Variants in NRXN3 observed in about 807,000 individuals in gnomAD.
The protein encoded by NRXN3 is neurexin 3, also known as neurexin III.
Under a neutral mutation model 137.6 loss-of-function variants are expected in NRXN3, and 32 were observed. The ratio of observed to expected loss-of-function variants is 0.23; its 90% confidence interval spans 0.18 to 0.31. NRXN3 has a LOEUF of 0.31. NRXN3 is among the 10% of genes least tolerant of loss of function. The pLI is 1.00. For synonymous variants in NRXN3, 798 were observed against 784.5 expected, an observed-to-expected ratio of 1.02 and a Z score of -0.29; for missense variants, 1,574 against 2,062.5, an observed-to-expected ratio of 0.76 and a Z score of 4.59.
At chr14:79,253,334 G>T (rs1321722488) in intron 15 of NRXN3, among the ~76,000 whole-genome samples, 2 of 152,162 alleles carry the variant, frequency 1.3e-5, no homozygotes, top group African/African-American at 4.8e-5. Flanking sequence ...ATGGTTGCCA[G>T]TTCTGTGGGG....
intron 15 of NRXN3, among the ~76,000 whole-genome samples, chr14:79,451,747 C>T (rs539783613): frequency 6.6e-6 from 1 of 152,332 alleles, no homozygotes; most frequent in African/African-American, 2.4e-5. Context: ...CATTCTGCTG[C>T]TCCAGCCATG....
chr14:78,837,832 T>C (rs1301791082), intron 10 of NRXN3, among the ~76,000 whole-genome samples: 1 of 152,196 alleles, frequency 6.6e-6, no homozygotes, highest in Non-Finnish European at 1.5e-5. Flanking sequence ...GAAAACATAT[T>C]GGTGTAGATG....
At chr14:78,334,215 C>T (rs75649017) in intron 4 of NRXN3, among the ~76,000 whole-genome samples, 300 of 152,130 alleles carry the variant, frequency 2.0e-3, no homozygotes, top group African/African-American at 6.7e-3. Flanking sequence ...ATTGAGGAAG[C>T]GGTTGGGTTT....
chr14:78,628,398 A>G (rs771204412), intron 4 of NRXN3, among the ~76,000 whole-genome samples: 1 of 152,150 alleles, frequency 6.6e-6, no homozygotes, highest in Non-Finnish European at 1.5e-5. Context: ...TATACTTCAC[A>G]ATAACCTGAT....
intron 4 of NRXN3, among the ~76,000 whole-genome samples, chr14:78,330,727 C>A (rs1232829292): frequency 1.3e-5 from 2 of 152,110 alleles, no homozygotes; most frequent in Non-Finnish European, 2.9e-5. Flanking sequence ...GATTAGCCAA[C>A]CCCTTAATGG....
chr14:79,268,799 A>G (rs2078841860), intron 15 of NRXN3, among the ~76,000 whole-genome samples: 1 of 152,166 alleles, frequency 6.6e-6, no homozygotes, highest in South Asian at 2.1e-4. Flanking sequence ...CAATTGTAAA[A>G]CAGAGATACT....
chr14:78,482,120 G>A (rs1403456892), intron 4 of NRXN3, among the ~76,000 whole-genome samples: 1 of 152,082 alleles, frequency 6.6e-6, no homozygotes, highest in Non-Finnish European at 1.5e-5. Flanking sequence ...TCCCACAAGT[G>A]CAAAACTTTG....
chr14:78,264,773 T>C (rs147267916), intron 2 of NRXN3, among the ~76,000 whole-genome samples: 1 of 152,312 alleles, frequency 6.6e-6, no homozygotes, highest in East Asian at 1.9e-4. Context: ...AGGGGATTTG[T>C]TTGATTAATT....
chr14:79,060,163 G>A (rs145881235), intron 15 of NRXN3, among the ~76,000 whole-genome samples: 1 of 152,328 alleles, frequency 6.6e-6, no homozygotes, highest in Admixed American at 6.5e-5. Flanking sequence ...TACTTCTGAG[G>A]TAGGGCAAAG....
intron 15 of NRXN3, among the ~76,000 whole-genome samples, chr14:79,047,244 C>T (rs1490128578): frequency 6.6e-6 from 1 of 151,498 alleles, no homozygotes; most frequent in African/African-American, 2.4e-5. Flanking sequence ...AGTAGTTCAG[C>T]CTTGGCAGAG....
At chr14:78,355,357 T>C (rs1183265504) in intron 4 of NRXN3, among the ~76,000 whole-genome samples, 3 of 152,062 alleles carry the variant, frequency 2.0e-5, no homozygotes, top group Admixed American at 2.0e-4. Flanking sequence ...TGACTTTTTT[T>C]TTTTTTAATC....
chr14:79,325,739 G>A (rs1297688563), intron 15 of NRXN3, among the ~76,000 whole-genome samples: 1 of 152,124 alleles, frequency 6.6e-6, no homozygotes, highest in Non-Finnish European at 1.5e-5. Flanking sequence ...GTGTTGCCTA[G>A]AATCAGCATG....
chr14:79,039,664 A>G (rs923129423), intron 15 of NRXN3, among the ~76,000 whole-genome samples: 2 of 152,090 alleles, frequency 1.3e-5, no homozygotes, highest in African/African-American at 2.4e-5. Context: ...TGCAGTCCCT[A>G]CCTGTAATGT....
At chr14:79,391,757 C>G (rs1296842667) in intron 15 of NRXN3, among the ~76,000 whole-genome samples, 1 of 152,172 alleles carries the variant, frequency 6.6e-6, no homozygotes, top group African/African-American at 2.4e-5. Context: ...TTGGTCACGT[C>G]TAATAACTTG....
chr14:78,487,000 G>A (rs1309447037), intron 4 of NRXN3, among the ~76,000 whole-genome samples: 1 of 152,152 alleles, frequency 6.6e-6, no homozygotes, highest in African/African-American at 2.4e-5. Flanking sequence ...ATCAAGAGGT[G>A]CCCAAGAGCA....
intron 15 of NRXN3, among the ~76,000 whole-genome samples, chr14:79,321,806 A>G (rs2153274959): frequency 6.7e-6 from 1 of 149,166 alleles, no homozygotes; most frequent in South Asian, 2.1e-4. Context: ...ATATACTTAT[A>G]TAAGCTACTA....
At chr14:78,392,323 A>G (rs1214539342) in intron 4 of NRXN3, among the ~76,000 whole-genome samples, 4 of 152,214 alleles carry the variant, frequency 2.6e-5, no homozygotes, top group African/African-American at 9.6e-5. Flanking sequence ...TGTTATTGCA[A>G]TGCATACAGA....
At chr14:79,857,502 G>A (rs1276509727) in intron 20 of NRXN3, among the ~76,000 whole-genome samples, 2 of 152,256 alleles carry the variant, frequency 1.3e-5, no homozygotes, top group South Asian at 2.1e-4. Context: ...GATTACAGGC[G>A]TGAGCCACCG....
intron 4 of NRXN3, among the ~76,000 whole-genome samples, chr14:78,471,167 C>T (rs944072921): frequency 3.3e-5 from 5 of 152,062 alleles, no homozygotes; most frequent in African/African-American, 4.8e-5. Flanking sequence ...TGGAAATTCT[C>T]ATAAAAATCA....
Sources: gnomAD v4.1 joint callset for allele counts (sites outside exome capture counted in the v4.1 genomes callset) on GRCh38, gnomAD v4.1.1 for gene constraint, MANE v1.5 for transcripts, NCBI Gene and HGNC (gene_info 2026-07-23, HGNC 2026-07-21) for gene names.